The following CD22 variants were observed in gnomAD, a reference collection of about 807,000 sequenced individuals.
The protein encoded by CD22 is B-cell receptor CD22.
Under a neutral mutation model 94.7 loss-of-function variants are expected in CD22, and 51 were observed. The ratio of observed to expected loss-of-function variants is 0.54; its 90% CI spans 0.43 to 0.68. The LOEUF is 0.68. Ranked by LOEUF, CD22 falls within the 30% of genes least tolerant of loss-of-function variation. The pLI, the probability that CD22 is intolerant of heterozygous loss-of-function variation, is 0.00. For synonymous variants in CD22, 424 were observed against 422.5 expected, an observed-to-expected ratio of 1.00 and a Z score of -0.04; for missense variants, 931 against 1,060.4, an observed-to-expected ratio of 0.88 and a Z score of 1.69.
At position 35,338,317 on chromosome 19, in the gene CD22, G is replaced by A; in HGVS notation, c.1135G>A (p.Glu379Lys). ...GAAAGAAATGCAGGGAAGGACAGAG[G>A]AGAAAGTCCACATCCCAAAGATCCT... ...NGKEMQGRTEEKVHIPKILPW... is the reference protein window; with the variant it reads ...NGKEMQGRTEKKVHIPKILPW... Residue 379 changes from glutamate to lysine, a missense_variant, in exon 6 of 14, where the codon GAG becomes AAG. Physicochemically the swap from Glu to Lys is moderately conservative, Grantham distance 56. Coordinates refer to ENST00000085219, the MANE Select transcript of CD22 (RefSeq NM_001771.4). The A allele has an allele frequency of 2.5e-6, 4 of 1,614,228 alleles. No homozygotes were observed. Among genetic ancestry groups the A allele is most frequent in the Admixed American group, 1.7e-5 (1 of 60,020 alleles).
rs765318219 is a variant in CD22, at chr19:35,342,049, CCTTCCTTT to C, written c.2035+88_2035+95del. Reference sequence around the variant, plus strand: ...TCCTTCCTTCCTTCCTTCCTTCCTTCCTTCCTTTCTTTCTCTCTTTCTTTTCCTCCTCC... The same window carrying C: ...TCCTTCCTTCCTTCCTTCCTTCCTTCCTTTCTCTCTTTCTTTTCCTCCTCC... On this transcript the variant is annotated intron_variant, in intron 9 of 13. Transcript: ENST00000085219. The C allele has an allele frequency of 1.4e-3, 1,383 of 988,892 alleles. 18 individuals are homozygous for C. Among genetic ancestry groups the C allele is most frequent in the African/African-American group, 0.012 (520 of 44,250 alleles). 61.3% of individuals were successfully genotyped at this position (988,892 alleles called of 1,614,324 possible). A position where few individuals can be genotyped will look rare whatever the true frequency, so the allele number is the denominator to read the frequency against.
chr19:35,345,029 C>G (rs778089037), intron 10 of CD22, 22 bp from the exon 11 acceptor site: 1 of 1,612,080 alleles, frequency 6.2e-7, no homozygotes, highest in Admixed American at 1.7e-5. Flanking sequence ...CTGACCCTCA[C>G]ACATGTGCCT....
In CD22 at chr19:35,342,014, C is replaced by T. The variant is rs778797526; in HGVS notation, c.2035+49C>T. The T allele has an allele frequency of 3.1e-5, 15 of 484,322 alleles. 1 individual carries two copies. The highest frequency in any genetic ancestry group is 4.5e-5 in the Non-Finnish European group (15 of 334,506). The allele number at this position is 484,322 out of a possible 1,614,324, so 30.0% of individuals were successfully genotyped here. A position where few individuals can be genotyped will look rare whatever the true frequency, so the allele number is the denominator to read the frequency against. On this transcript the variant is annotated intron_variant, in intron 9 of 13. Transcript: ENST00000085219. ...TCTTCTTGGTGGTGGTCAGTCCTTC[C>T]TTCCTTCCTTCCTTCCTTCCTTCCT...
chr19:35,337,876 C>T lies in CD22; in HGVS notation c.840C>T (p.Leu280=), dbSNP rs1199040926. The change falls in exon 5 of 14, where the codon CTC becomes CTT. Residue 280 remains leucine (L), a synonymous_variant. Transcript: ENST00000085219. The surrounding 1 kb of genome is among the most constrained non-coding windows in gnomAD (Gnocchi z 4.4). ...SNPEYTTVSW[L]KDGTSLKKQN... ...CGGAGTACACGACGGTATCCTGGCT[C>T]AAGGATGGGACCTCGCTGAAGAAGC... The T allele has an allele frequency of 5.6e-6, 9 of 1,614,082 alleles. No homozygotes were observed. The highest frequency in any genetic ancestry group is 1.3e-5 in the African/African-American group (1 of 74,944).
chr19:35,345,556 G>A, intron 11 of CD22, 46 bp from the exon 12 acceptor site: 1 of 1,231,762 alleles, frequency 8.1e-7, no homozygotes. Context: ...AGGGGACGAG[G>A]GTTGGGGAAC....
At chr19:35,329,889 T>G (rs930103408) in intron 1 of CD22, 5 of 153,404 alleles carry the variant, frequency 3.3e-5, no homozygotes, top group African/African-American at 1.2e-4. Flanking sequence ...GCAACCCTGC[T>G]AAGTTTTTTA....
chr19:35,332,908 A>T lies in CD22; in HGVS notation c.396A>T (p.Ile132=). 6.2e-7 allele frequency: 1 copy of T among 1,614,068 alleles called. No individual in the cohort carries two copies. Among genetic ancestry groups the T allele is most frequent in the Non-Finnish European group, 8.5e-7 (1 of 1,179,954 alleles). ...ESKTEKWMER[I]HLNVSERPFP... ...AGACTGAGAAATGGATGGAACGAAT[A>T]CACCTCAATGTCTCTGGTAAGGCCT... Residue 132 remains isoleucine, a synonymous_variant, in exon 3 of 14, where the codon ATA becomes ATT. Transcript: ENST00000085219.
At position 35,332,616 on chromosome 19, in the gene CD22, G is replaced by T; in HGVS notation, c.104G>T (p.Trp35Leu). Residue 35 changes from tryptophan (W) to leucine (L), a missense_variant, in exon 3 of 14, where the codon TGG becomes TTG. Physicochemically the swap from Trp to Leu is moderately conservative, Grantham distance 61. Transcript: ENST00000085219. ...GAGCACCCTGAAACCCTCTACGCCT[G>T]GGAGGGGGCCTGCGTCTGGATCCCC... is the stretch of plus-strand genomic sequence containing the variant. ...VFEHPETLYA[W>L]EGACVWIPCT... 1 of 1,614,070 alleles carries T rather than the reference G, an allele frequency of 6.2e-7. No homozygotes were observed. The highest frequency in any genetic ancestry group is 8.5e-7 in the Non-Finnish European group (1 of 1,179,964).
intron 2 of CD22, 196 bp from the exon 3 acceptor site, chr19:35,332,351 C>A: frequency 3.0e-6 from 2 of 666,470 alleles, no homozygotes; most frequent in Non-Finnish European, 4.9e-6. Context: ...GTGGCTCATG[C>A]CTGAAATCTC....
intron 3 of CD22, 29 bp from the exon 4 acceptor site, chr19:35,336,007 G>A (rs998005849): frequency 3.1e-6 from 5 of 1,594,702 alleles, no homozygotes; most frequent in Non-Finnish European, 3.4e-6. Context: ...AGTCCCCCAG[G>A]CTCCTGCACG....
intron 11 of CD22, chr19:35,345,328 G>A (rs1033075126): frequency 1.0e-5 from 6 of 587,638 alleles, no homozygotes; most frequent in African/African-American, 9.4e-5. Flanking sequence ...GGCTGAGGCA[G>A]GAGAATCGCT....
At chr19:35,343,031 C>G (rs2066841447) in intron 9 of CD22, among the ~76,000 whole-genome samples, 1 of 152,002 alleles carries the variant, frequency 6.6e-6, no homozygotes, top group African/African-American at 2.4e-5. Context: ...GTCTCCTGAC[C>G]TCGTGATCCG....
chr19:35,345,985 C>T (rs1038986684), intron 12 of CD22, among the ~76,000 whole-genome samples, 166 bp from the exon 13 acceptor site: 5 of 152,240 alleles, frequency 3.3e-5, no homozygotes, highest in Non-Finnish European at 7.3e-5. Flanking sequence ...ACTCCCTCCA[C>T]GCACATTTGC....
At chr19:35,339,625 G>C (rs963603863) in intron 6 of CD22, among the ~76,000 whole-genome samples, 1 of 152,190 alleles carries the variant, frequency 6.6e-6, no homozygotes, top group Non-Finnish European at 1.5e-5. Flanking sequence ...GGAGGCCAAG[G>C]TGGGCAGATC....
At position 35,341,363 on chromosome 19, in the gene CD22, G is replaced by A; in HGVS notation, c.1528G>A (p.Val510Ile). The stretch of plus-strand genomic sequence containing the variant: ...TCCAGATGCCCCCCGAGACGTGAGG[G>A]TCCGGAAAATCAAGCCCCTTTCCGA... ...NVQYAPRDVRVRKIKPLSEIH... is the reference protein window; with the variant it reads ...NVQYAPRDVRIRKIKPLSEIH... The change falls in exon 8 of 14, where the codon GTC becomes ATC. Residue 510 changes from valine to isoleucine, a missense_variant. By Grantham distance (29) the Val-to-Ile change is conservative (BLOSUM62 3). Transcript: ENST00000085219. The surrounding 1 kb of genome is among the most constrained non-coding windows in gnomAD (Gnocchi z 4.0). The A allele has an allele frequency of 6.2e-7, 1 of 1,613,854 alleles. No individual in the cohort carries two copies. The highest frequency in any genetic ancestry group is 8.5e-7 in the Non-Finnish European group (1 of 1,179,922).
chr19:35,332,168 G>C, intron 2 of CD22, 94 bp downstream of exon 2: 1 of 1,386,766 alleles, frequency 7.2e-7, no homozygotes, highest in Non-Finnish European at 1.0e-6. Flanking sequence ...CGTCAACATA[G>C]GGTAGGGTGG....
At position 35,345,702 on chromosome 19, in the gene CD22, T is replaced by C. The variant is rs2145683503; in HGVS notation, c.2309T>C (p.Met770Thr). Reference sequence around the variant, plus strand: ...TACACCACCCTGCGCTTTCCCGAGATGAACATACCACGAACTGGGTACTGA... The same window carrying C: ...TACACCACCCTGCGCTTTCCCGAGACGAACATACCACGAACTGGGTACTGA... ...ISYTTLRFPE[M>T]NIPRTGDAES... is the part of the protein sequence containing the mutation. Residue 770 changes from methionine (M) to threonine (T), a missense_variant, in exon 12 of 14, where the codon ATG becomes ACG. Transcript: ENST00000085219. 1.2e-6 allele frequency: 2 copies of C among 1,611,612 alleles called. No homozygotes were observed. The highest frequency in any genetic ancestry group is 2.2e-5 in the South Asian group (2 of 91,010).
chr19:35,331,731 C>T (rs2066647433), intron 1 of CD22: 1 of 349,354 alleles, frequency 2.9e-6, no homozygotes, highest in Non-Finnish European at 5.2e-6. Context: ...TGCCTTTACC[C>T]AGCTACTTGG....
chr19:35,345,841 C>G, intron 12 of CD22, 121 bp downstream of exon 12: 1 of 755,596 alleles, frequency 1.3e-6, no homozygotes, highest in South Asian at 1.6e-5. Context: ...TGCTCTGCCT[C>G]ATTCCCACTC....
Sources: gnomAD v4.1 joint callset for allele counts (sites outside exome capture counted in the v4.1 genomes callset) on GRCh38, gnomAD v4.1.1 for gene constraint, Gnocchi (gnomAD v3.1) non-coding constraint, MANE v1.5 for transcripts, NCBI Gene and HGNC (gene_info 2026-07-23, HGNC 2026-07-21) for gene names.